Variants in FAF1 observed in about 807,000 individuals in gnomAD.
FAF1 encodes Fas associated factor 1, also known as FAS-associated factor 1.
FAF1 carries 25 observed loss-of-function variants against 92.5 expected under a neutral mutation model. The ratio of observed to expected loss-of-function variants is 0.27; its 90% CI spans 0.20 to 0.38. The LOEUF is 0.38. Among genes scored for constraint, FAF1 ranks in the 10% least tolerant of loss-of-function variants. The probability of loss-of-function intolerance (pLI) is 1.00; values close to 1 mark genes in which losing one functional copy is unlikely to be tolerated. For synonymous variants in FAF1, 234 were observed against 273.2 expected, an observed-to-expected ratio of 0.86 and a Z score of 1.42; for missense variants, 636 against 793.3, an observed-to-expected ratio of 0.80 and a Z score of 2.38.
intron 6 of FAF1, among the ~76,000 whole-genome samples, chr1:50,723,945 C>T (rs1208365541): frequency 6.6e-6 from 1 of 152,066 alleles, no homozygotes; most frequent in South Asian, 2.1e-4. Flanking sequence ...GATGGGGTTT[C>T]ACCATGTTGG....
intron 1 of FAF1, among the ~76,000 whole-genome samples, chr1:50,861,670 C>CA (rs929753649): frequency 5.9e-5 from 9 of 151,708 alleles, no homozygotes; most frequent in Non-Finnish European, 1.2e-4. Context: ...ATCCATGTAA[C>CA]ATAACTGCAC....
At chr1:50,576,641 C>CG (rs1491587349) in intron 12 of FAF1, among the ~76,000 whole-genome samples, 1 of 148,210 alleles carries the variant, frequency 6.7e-6, no homozygotes, top group East Asian at 2.0e-4. Context: ...CCGCCCCCCC[C>CG]CCGCCACCAC....
chr1:50,797,824 C>T (rs1265593284), intron 3 of FAF1, among the ~76,000 whole-genome samples: 7 of 152,148 alleles, frequency 4.6e-5, no homozygotes, highest in Admixed American at 4.6e-4. Context: ...GCCTAAGCAG[C>T]ATAGCAAGAC....
At chr1:50,579,711 AC>A (rs1369279827) in intron 12 of FAF1, among the ~76,000 whole-genome samples, 4 of 152,198 alleles carry the variant, frequency 2.6e-5, no homozygotes, top group African/African-American at 9.6e-5. Context: ...AGAATTTGGA[AC>A]CATCTACAAG....
intron 17 of FAF1, among the ~76,000 whole-genome samples, chr1:50,477,352 A>G (rs1051402709): frequency 1.3e-5 from 2 of 152,188 alleles, no homozygotes; most frequent in Non-Finnish European, 2.9e-5. Context: ...TGCTTTTCTT[A>G]TAATGAAGAG....
Position 50,782,533 on chromosome 1 carries a change from CA to C in FAF1, c.367+5466del, listed in dbSNP as rs567963911. Reference sequence around the variant, plus strand: ...TCTCAGCAAGGTGTTATAAAAATGTCAAAAAATTTTTTATTTTTATTTTTTA... The same window carrying C: ...TCTCAGCAAGGTGTTATAAAAATGTCAAAAATTTTTTATTTTTATTTTTTA... On this transcript the variant is annotated intron_variant, in intron 4 of 18. Transcript: ENST00000396153. Among the ~76,000 whole-genome samples, 433 of 152,000 alleles carry C rather than the reference CA, an allele frequency of 2.8e-3. 1 individual carries two copies. The highest frequency in any genetic ancestry group is 0.01 in the African/African-American group (420 of 41,464).
chr1:50,676,715 G>A (rs1016901213), intron 7 of FAF1, among the ~76,000 whole-genome samples: 27 of 150,200 alleles, frequency 1.8e-4, no homozygotes, highest in African/African-American at 6.4e-4. Context: ...TTAGCTACTC[G>A]GGAGGCTGAG....
chr1:50,647,168 A>G (rs1424751807), intron 8 of FAF1, among the ~76,000 whole-genome samples: 1 of 152,152 alleles, frequency 6.6e-6, no homozygotes, highest in Non-Finnish European at 1.5e-5. Flanking sequence ...GGACTTCTAC[A>G]TTTGAGTCCT....
At chr1:50,769,382 T>C (rs1208859825) in intron 4 of FAF1, among the ~76,000 whole-genome samples, 2 of 152,188 alleles carry the variant, frequency 1.3e-5, no homozygotes, top group Non-Finnish European at 2.9e-5. Flanking sequence ...GGAACTGGTA[T>C]TGTTCCTACT....
intron 12 of FAF1, among the ~76,000 whole-genome samples, chr1:50,581,367 A>G (rs1650981016): frequency 6.6e-6 from 1 of 152,208 alleles, no homozygotes. Flanking sequence ...TCTAGAAAAT[A>G]GAAATCTCAG....
intron 7 of FAF1, among the ~76,000 whole-genome samples, chr1:50,682,982 G>A (rs538344991): frequency 5.3e-5 from 8 of 149,730 alleles, no homozygotes; most frequent in South Asian, 2.1e-4. Context: ...GCAGTGAGCC[G>A]AGATCACACC....
rs36053834 is a variant in FAF1 at position 50,621,391 on chromosome 1, C to CTTTTTTTT, written c.745-25183_745-25176dup. On this transcript the variant is annotated intron_variant, in intron 8 of 18. Transcript: ENST00000396153. The stretch of plus-strand genomic sequence containing the variant: ...AGTTAGCCCCGATCTTTCTTTTTTT[C>CTTTTTTTT]TTTTTTTTTTTTTTTTTTTTTTTTT... Among the ~76,000 whole-genome samples, 770 of 89,262 alleles carry CTTTTTTTT rather than the reference C, an allele frequency of 8.6e-3. 5 individuals are homozygous for CTTTTTTTT. The highest frequency in any genetic ancestry group is 0.011 in the Non-Finnish European group (510 of 45,656). 58.6% of individuals were successfully genotyped at this position (89,262 alleles called of 152,430 possible).
At chr1:50,733,282 C>A (rs1659004915) in intron 6 of FAF1, among the ~76,000 whole-genome samples, 1 of 152,188 alleles carries the variant, frequency 6.6e-6, no homozygotes, top group African/African-American at 2.4e-5. Context: ...CTGTCATCAA[C>A]CATTACTGTA....
At chr1:50,464,948 T>C (rs1011716180) in intron 18 of FAF1, among the ~76,000 whole-genome samples, 1 of 152,232 alleles carries the variant, frequency 6.6e-6, no homozygotes, top group Admixed American at 6.5e-5. Flanking sequence ...GTCTAGGCAT[T>C]GGTAACCTTT....
At chr1:50,750,710 ACCT>A (rs1036284123) in intron 4 of FAF1, among the ~76,000 whole-genome samples, 9 of 139,294 alleles carry the variant, frequency 6.5e-5, no homozygotes, top group Non-Finnish European at 1.4e-4. Flanking sequence ...TGTAACCTCC[ACCT>A]CCTGGGTTCA....
At chr1:50,672,281 T>A (rs940348422) in intron 7 of FAF1, among the ~76,000 whole-genome samples, 8 of 152,126 alleles carry the variant, frequency 5.3e-5, no homozygotes, top group African/African-American at 1.9e-4. Context: ...GACCTTGTGA[T>A]CCACCCGCCT....
intron 1 of FAF1, 73 bp downstream of exon 1, chr1:50,959,694 G>A: frequency 7.4e-7 from 1 of 1,354,616 alleles, no homozygotes. Context: ...CAAACGCTGG[G>A]AAGAAGACTC....
chr1:50,790,776 G>C (rs1661535658), intron 3 of FAF1, among the ~76,000 whole-genome samples: 1 of 151,448 alleles, frequency 6.6e-6, no homozygotes, highest in Admixed American at 6.6e-5. Flanking sequence ...CAATTAAGCA[G>C]AAAAATATTT....
At chr1:50,810,142 C>A (rs776088601) in intron 2 of FAF1, among the ~76,000 whole-genome samples, 5 of 152,130 alleles carry the variant, frequency 3.3e-5, no homozygotes, top group Non-Finnish European at 7.3e-5. Flanking sequence ...GTAGTCCCAG[C>A]TACTTGGGAG....
Sources: gnomAD v4.1 joint callset for allele counts (sites outside exome capture counted in the v4.1 genomes callset) on GRCh38, gnomAD v4.1.1 for gene constraint, MANE v1.5 for transcripts, NCBI Gene and HGNC (gene_info 2026-07-23, HGNC 2026-07-21) for gene names.